The following NCALD variants were observed in gnomAD, a reference collection of about 807,000 sequenced individuals.
The protein encoded by NCALD is neurocalcin-delta.
NCALD carries 10 observed loss-of-function variants against 18.6 expected under a neutral mutation model. The observed-to-expected ratio is 0.54, with a 90% CI of 0.33 to 0.91. The LOEUF (loss-of-function observed/expected upper bound fraction) is 0.91. NCALD is among the 40% of genes least tolerant of loss of function. The pLI is 0.03. For missense variants in NCALD, 184 were observed against 247.6 expected, an observed-to-expected ratio of 0.74 and a Z score of 1.72; for synonymous variants, 88 against 87.4, an observed-to-expected ratio of 1.01 and a Z score of -0.04.
chr8:101,986,521 G>C (rs6992050), intron 2 of NCALD: 1 of 151,992 alleles, frequency 6.6e-6, no homozygotes, highest in African/African-American at 2.4e-5. Context: ...ATTTTAAAAA[G>C]GAGAAAATCC....
chr8:101,891,845 C>G (rs1013710547), intron 3 of NCALD, among the ~76,000 whole-genome samples: 2 of 152,230 alleles, frequency 1.3e-5, no homozygotes, highest in Non-Finnish European at 2.9e-5. Flanking sequence ...TATCCCACAC[C>G]TGGCTCGGAG....
At chr8:101,974,919 T>C (rs1305910792) in intron 2 of NCALD, among the ~76,000 whole-genome samples, 5 of 152,178 alleles carry the variant, frequency 3.3e-5, no homozygotes, top group Non-Finnish European at 7.3e-5. Context: ...ATGTAAGCAC[T>C]AAATACAGAT....
intron 1 of NCALD, among the ~76,000 whole-genome samples, chr8:101,742,176 C>A (rs938646419): frequency 7.9e-5 from 12 of 151,372 alleles, no homozygotes; most frequent in Non-Finnish European, 1.5e-4. Flanking sequence ...TCGCTTGAAC[C>A]CCTGAAGTGG....
chr8:101,742,398 T>C (rs967171916), intron 1 of NCALD, among the ~76,000 whole-genome samples: 14 of 152,348 alleles, frequency 9.2e-5, no homozygotes, highest in African/African-American at 3.4e-4. Flanking sequence ...TGCAACAATG[T>C]ATAAAATGAT....
At chr8:101,907,803 T>C (rs1409690289) in intron 3 of NCALD, among the ~76,000 whole-genome samples, 1 of 152,216 alleles carries the variant, frequency 6.6e-6, no homozygotes, top group East Asian at 1.9e-4. Flanking sequence ...GCATGTCTGG[T>C]ATTACATTTC....
Position 101,957,298 on chromosome 8 carries a change from T to G in NCALD, c.-156-41440A>C, listed in dbSNP as rs944569366. On this transcript the variant is annotated intron_variant, in intron 2 of 6. Transcript: ENST00000311028. Reference sequence around the variant, plus strand: ...AAAAAGAAAAGTTGGGGTTTTTTTTTTTTTTTTTTTTTTTTTAGCACAAAG... The same window carrying G: ...AAAAAGAAAAGTTGGGGTTTTTTTTGTTTTTTTTTTTTTTTTAGCACAAAG... 2.8e-5 allele frequency among the ~76,000 whole-genome samples: 4 copies of G among 144,204 alleles called. No individual in the cohort carries two copies. In the East Asian group the frequency reaches 5.9e-4, roughly 21 times the overall value. 94.6% of individuals were successfully genotyped at this position (144,204 alleles called of 152,430 possible). A position where few individuals can be genotyped will look rare whatever the true frequency, so the allele number is the denominator to read the frequency against.
At chr8:101,710,546 G>A (rs1270305692) in intron 2 of NCALD, among the ~76,000 whole-genome samples, 1 of 152,236 alleles carries the variant, frequency 6.6e-6, no homozygotes, top group Non-Finnish European at 1.5e-5. Context: ...ACAGCAGTCT[G>A]ATGTTGACCT....
chr8:101,917,803 A>G (rs1457398728), intron 2 of NCALD, among the ~76,000 whole-genome samples: 2 of 152,100 alleles, frequency 1.3e-5, no homozygotes, highest in Non-Finnish European at 2.9e-5. Flanking sequence ...GCAGACCAAT[A>G]TCAAGTTTTG....
At chr8:101,962,093 TA>T (rs912495218) in intron 2 of NCALD, among the ~76,000 whole-genome samples, 8 of 151,574 alleles carry the variant, frequency 5.3e-5, no homozygotes, top group African/African-American at 1.2e-4. Flanking sequence ...TTTTGTTATT[TA>T]AAAAAAAATG....
At chr8:101,971,379 CAT>C (rs1239030879) in intron 2 of NCALD, among the ~76,000 whole-genome samples, 3 of 152,078 alleles carry the variant, frequency 2.0e-5, no homozygotes, top group Non-Finnish European at 4.4e-5. Flanking sequence ...CCATAATCCC[CAT>C]GTGTCAAGGG....
intron 4 of NCALD, among the ~76,000 whole-genome samples, chr8:101,856,553 A>G (rs1175567785): frequency 6.6e-6 from 1 of 152,178 alleles, no homozygotes; most frequent in Non-Finnish European, 1.5e-5. Context: ...TGGTGCTGCT[A>G]TTAAGAAAAA....
intron 1 of NCALD, among the ~76,000 whole-genome samples, chr8:101,751,804 G>A (rs1441391234): frequency 6.6e-6 from 1 of 152,196 alleles, no homozygotes; most frequent in African/African-American, 2.4e-5. Flanking sequence ...TGCCCCAAAG[G>A]TGGGGGTCAG....
chr8:101,804,477 T>C (rs1387932414), intron 4 of NCALD, among the ~76,000 whole-genome samples: 5 of 121,710 alleles, frequency 4.1e-5, no homozygotes, highest in African/African-American at 1.6e-4. Context: ...ACAAAGATTA[T>C]TATATAATAT....
chr8:102,002,329 A>G (rs967696150), intron 2 of NCALD, among the ~76,000 whole-genome samples: 10 of 152,228 alleles, frequency 6.6e-5, no homozygotes, highest in Non-Finnish European at 1.5e-4. Flanking sequence ...AGAGCTAACT[A>G]TCCTAAATAT....
At chr8:101,807,322 G>C (rs1813141598) in intron 4 of NCALD, among the ~76,000 whole-genome samples, 1 of 152,002 alleles carries the variant, frequency 6.6e-6, no homozygotes, top group Admixed American at 6.6e-5. Context: ...TTGTATATTG[G>C]AGTTGTAAAG....
At chr8:102,021,920 G>T (rs190503738) in intron 1 of NCALD, among the ~76,000 whole-genome samples, 1 of 152,288 alleles carries the variant, frequency 6.6e-6, no homozygotes, top group East Asian at 1.9e-4. Context: ...GGAGGAAAGA[G>T]ACACAACCGG....
At chr8:102,119,075 A>G (rs1825871899) in intron 1 of NCALD, among the ~76,000 whole-genome samples, 1 of 152,222 alleles carries the variant, frequency 6.6e-6, no homozygotes, top group African/African-American at 2.4e-5. Flanking sequence ...TTCTGGGTAT[A>G]TACCCAGAAG....
intron 4 of NCALD, among the ~76,000 whole-genome samples, chr8:101,870,483 T>C (rs1048676959): frequency 6.6e-6 from 1 of 152,210 alleles, no homozygotes; most frequent in Non-Finnish European, 1.5e-5. Flanking sequence ...ATCTTTTTTT[T>C]GTTGTTCTGG....
intron 2 of NCALD, among the ~76,000 whole-genome samples, chr8:101,998,977 C>CA (rs34596541): frequency 1.0e-4 from 15 of 144,822 alleles, no homozygotes; most frequent in African/African-American, 3.1e-4. Flanking sequence ...AACTTAATGG[C>CA]AAAAAATGCA....
Sources: gnomAD v4.1 joint callset for allele counts (sites outside exome capture counted in the v4.1 genomes callset) on GRCh38, gnomAD v4.1.1 for gene constraint, MANE v1.5 for transcripts, NCBI Gene and HGNC (gene_info 2026-07-23, HGNC 2026-07-21) for gene names.